LRRTM4: variants seen among roughly 807,000 people sequenced by gnomAD.
LRRTM4 encodes the protein leucine rich repeat transmembrane neuronal 4, also known as leucine-rich repeat transmembrane neuronal protein 4.
LRRTM4 carries 25 observed loss-of-function variants against 47.6 expected under a neutral mutation model. The ratio of observed to expected loss-of-function variants is 0.53; its 90% CI spans 0.38 to 0.73. The LOEUF (loss-of-function observed/expected upper bound fraction) is 0.73, where lower values mean the gene tolerates loss of function less well. LRRTM4 is among the 30% of genes least tolerant of loss of function. LRRTM4 has a pLI of 0.00. For synonymous variants in LRRTM4, 311 were observed against 269.5 expected (o/e 1.15, Z -1.51); for missense variants, 638 against 713.4 (o/e 0.89, Z 1.20).
intron 3 of LRRTM4, among the ~76,000 whole-genome samples, chr2:77,105,397 T>C (rs1245566646): frequency 1.3e-5 from 2 of 151,416 alleles, no homozygotes; most frequent in Non-Finnish European, 2.9e-5. Context: ...CAGCAAACTA[T>C]CTCAAGGACA....
At chr2:77,070,477 C>T (rs1035517341) in intron 3 of LRRTM4, among the ~76,000 whole-genome samples, 1 of 149,926 alleles carries the variant, frequency 6.7e-6, no homozygotes, top group Non-Finnish European at 1.5e-5. Flanking sequence ...ATCTTTCTAC[C>T]TTGCAGAAAA....
At chr2:77,326,878 G>GTCA (rs1360056208) in intron 3 of LRRTM4, among the ~76,000 whole-genome samples, 1 of 152,116 alleles carries the variant, frequency 6.6e-6, no homozygotes, top group Non-Finnish European at 1.5e-5. Context: ...ACATGTGTTT[G>GTCA]AGACCATCAC....
chr2:76,756,499 T>A (rs1673034194), intron 3 of LRRTM4, among the ~76,000 whole-genome samples: 2 of 152,186 alleles, frequency 1.3e-5, no homozygotes, highest in African/African-American at 4.8e-5. Context: ...TAAACCTCTT[T>A]GAACAATTTA....
At chr2:77,213,391 AT>A (rs1336267866) in intron 3 of LRRTM4, among the ~76,000 whole-genome samples, 1 of 152,044 alleles carries the variant, frequency 6.6e-6, no homozygotes, top group Non-Finnish European at 1.5e-5. Flanking sequence ...CTTAACCCCT[AT>A]GGGCCTTAGA....
At chr2:77,157,875 T>A in intron 3 of LRRTM4, among the ~76,000 whole-genome samples, 1 of 152,054 alleles carries the variant, frequency 6.6e-6, no homozygotes, top group Non-Finnish European at 1.5e-5. Flanking sequence ...ATCAGCAGAC[T>A]CCAGACTGTG....
chr2:76,777,080 A>G (rs28813766), intron 3 of LRRTM4, among the ~76,000 whole-genome samples: 66,560 of 122,188 alleles, frequency 0.54, 17,288 homozygotes, highest in Admixed American at 0.6. Flanking sequence ...GATACGCGGC[A>G]TTATTTCTGA....
chr2:77,049,480 G>C (rs1195512494), intron 3 of LRRTM4, among the ~76,000 whole-genome samples: 1 of 151,578 alleles, frequency 6.6e-6, no homozygotes, highest in African/African-American at 2.4e-5. Flanking sequence ...TTTAATAGCA[G>C]CCATTCTAGC....
intron 3 of LRRTM4, among the ~76,000 whole-genome samples, chr2:76,786,242 A>T (rs1477038494): frequency 1.3e-5 from 2 of 152,136 alleles, no homozygotes; most frequent in African/African-American, 4.8e-5. Context: ...AAAATAAGGC[A>T]CACTTACAGC....
intron 3 of LRRTM4, among the ~76,000 whole-genome samples, chr2:77,233,786 GTTGT>G (rs938276987): frequency 5.5e-5 from 7 of 127,518 alleles, no homozygotes; most frequent in Admixed American, 1.7e-4. Context: ...TGTTGTTGTT[GTTGT>G]TTGTTTGTTT....
At chr2:77,291,248 T>C (rs1252496088) in intron 3 of LRRTM4, among the ~76,000 whole-genome samples, 2 of 152,072 alleles carry the variant, frequency 1.3e-5, no homozygotes, top group Non-Finnish European at 2.9e-5. Flanking sequence ...AAAATTGTAA[T>C]AGAATTGAAA....
intron 3 of LRRTM4, among the ~76,000 whole-genome samples, chr2:76,761,314 T>A (rs1673246209): frequency 6.6e-6 from 1 of 152,208 alleles, no homozygotes; most frequent in Non-Finnish European, 1.5e-5. Context: ...CACTAATTAT[T>A]CTGTATCACC....
intron 3 of LRRTM4, among the ~76,000 whole-genome samples, chr2:76,942,965 C>T (rs74341112): frequency 6.6e-6 from 1 of 152,084 alleles, no homozygotes; most frequent in Non-Finnish European, 1.5e-5. Context: ...TCTTAAACTA[C>T]GTTTCCTAGT....
intron 3 of LRRTM4, among the ~76,000 whole-genome samples, chr2:76,763,313 G>C (rs1412555545): frequency 6.6e-6 from 1 of 152,244 alleles, no homozygotes; most frequent in Non-Finnish European, 1.5e-5. Flanking sequence ...TTTGGCAATG[G>C]GGCCTCTAAG....
intron 3 of LRRTM4, among the ~76,000 whole-genome samples, chr2:77,217,440 A>AATAAATATATATAT (rs1486543423): frequency 1.3e-5 from 1 of 76,818 alleles, no homozygotes; most frequent in Non-Finnish European, 2.2e-5. Flanking sequence ...CTCCAAATGA[A>AATAAATATATATAT]ATATATATAT....
At chr2:76,957,930 A>ATG (rs201976356) in intron 3 of LRRTM4, among the ~76,000 whole-genome samples, 3,397 of 151,360 alleles carry the variant, frequency 0.022, 152 homozygotes, top group African/African-American at 0.078. Context: ...GTGTATATAT[A>ATG]TGTGTGTGTG....
chr2:76,966,088 A>G (rs1294561072), intron 3 of LRRTM4, among the ~76,000 whole-genome samples: 1 of 151,568 alleles, frequency 6.6e-6, no homozygotes, highest in Non-Finnish European at 1.5e-5. Flanking sequence ...ACTAGGATAG[A>G]CAAAGGATTT....
chr2:77,164,864 A>C (rs948512682), intron 3 of LRRTM4, among the ~76,000 whole-genome samples: 1 of 152,190 alleles, frequency 6.6e-6, no homozygotes, highest in Non-Finnish European at 1.5e-5. Context: ...GAAAGCAGAA[A>C]AGATCTAAAA....
In LRRTM4 at chr2:77,251,234, GGT is replaced by G. The variant is rs200379316; in HGVS notation, c.1551+267082_1551+267083del. Reference sequence around the variant, plus strand: ...GTATATATGTGTATATATACATATAGGTGTGTGTGTGTGTGTATATATATATA... The same window carrying G: ...GTATATATGTGTATATATACATATAGGTGTGTGTGTGTGTATATATATATA... On this transcript the variant is annotated intron_variant, in intron 3 of 3. Transcript: ENST00000409884. 4.3e-3 allele frequency among the ~76,000 whole-genome samples: 275 copies of G among 64,302 alleles called. 1 individual carries two copies. The highest frequency in any genetic ancestry group is 0.025 in the African/African-American group (242 of 9,552). The allele number at this position is 64,302 out of a possible 152,430, so 42.2% of individuals were successfully genotyped here.
At chr2:76,945,196 A>G (rs1276199385) in intron 3 of LRRTM4, among the ~76,000 whole-genome samples, 3 of 152,132 alleles carry the variant, frequency 2.0e-5, no homozygotes, top group Non-Finnish European at 2.9e-5. Context: ...TCTCTGTAAA[A>G]ATAAGACAGA....
Sources: allele counts gnomAD v4.1 joint callset (sites outside exome capture counted in the v4.1 genomes callset), GRCh38; gene constraint gnomAD v4.1.1; transcripts MANE v1.5; gene names NCBI Gene and HGNC (gene_info 2026-07-23, HGNC 2026-07-21).